GPC5: variants seen among roughly 807,000 people sequenced by gnomAD.
The protein encoded by GPC5 is glypican-5.
In GPC5, 47 loss-of-function variants were observed where a neutral mutation model predicts 53.9. The ratio of observed to expected loss-of-function variants is 0.87; its 90% CI spans 0.69 to 1.11. The LOEUF (loss-of-function observed/expected upper bound fraction) is 1.11. Ranked by LOEUF, GPC5 falls within the 50% of genes most tolerant of loss-of-function variation. The pLI, the probability that GPC5 is intolerant of heterozygous loss-of-function variation, is 0.00. For synonymous variants in GPC5, 286 were observed against 263.3 expected (o/e 1.09, Z -0.84); for missense variants, 748 against 713.1 (o/e 1.05, Z -0.56).
At chr13:91,928,470 C>T (rs1197275444) in intron 6 of GPC5, among the ~76,000 whole-genome samples, 2 of 152,084 alleles carry the variant, frequency 1.3e-5, no homozygotes, top group East Asian at 3.9e-4. Flanking sequence ...TATAGGAGGC[C>T]AGAATGAAAA....
At chr13:92,786,431 T>A (rs764780609) in intron 7 of GPC5, among the ~76,000 whole-genome samples, 8 of 151,940 alleles carry the variant, frequency 5.3e-5, no homozygotes, top group Non-Finnish European at 1.2e-4. Context: ...AGAATAGGAC[T>A]AGATCAAGGA....
Position 91,468,889 on chromosome 13 carries a change from T to G in GPC5, c.325+19967T>G, listed in dbSNP as rs181066088. 2.3e-3 allele frequency among the ~76,000 whole-genome samples: 349 copies of G among 151,378 alleles called. 4 individuals are homozygous for G. The East Asian group carries it at 0.043, about 19-fold the overall frequency. ...AGATAATGGTCTTTTTTTTTTTTTT[T>G]TTAAATGAGACAGGGTTTCATTCTG... On this transcript the variant is annotated intron_variant, in intron 2 of 7. Transcript: ENST00000377067.
At chr13:92,513,952 AC>A in intron 7 of GPC5, among the ~76,000 whole-genome samples, 1 of 152,130 alleles carries the variant, frequency 6.6e-6, no homozygotes, top group African/African-American at 2.4e-5. Flanking sequence ...AGCATTTTGA[AC>A]TTCAGATCTT....
chr13:92,192,376 T>C (rs2042228550), intron 7 of GPC5, among the ~76,000 whole-genome samples: 1 of 152,206 alleles, frequency 6.6e-6, no homozygotes, highest in Non-Finnish European at 1.5e-5. Flanking sequence ...TCAATTTTGT[T>C]GTGAACATAT....
At chr13:92,143,305 AC>A (rs986025150) in intron 6 of GPC5, among the ~76,000 whole-genome samples, 18 of 152,110 alleles carry the variant, frequency 1.2e-4, no homozygotes, top group African/African-American at 4.1e-4. Context: ...AACTGGTGTT[AC>A]TTTATTTACC....
At chr13:92,381,903 A>ATATTG (rs2043748481) in intron 7 of GPC5, among the ~76,000 whole-genome samples, 1 of 135,550 alleles carries the variant, frequency 7.4e-6, no homozygotes, top group Non-Finnish European at 1.6e-5. Context: ...ATATAATCAT[A>ATATTG]TATATGATAT....
chr13:91,821,887 C>CA (rs527954701), intron 5 of GPC5, among the ~76,000 whole-genome samples: 26 of 151,996 alleles, frequency 1.7e-4, no homozygotes, highest in African/African-American at 5.1e-4. Context: ...TTTAAATGTG[C>CA]AAAAAAATTT....
chr13:92,795,523 A>G (rs1876641141), intron 7 of GPC5, among the ~76,000 whole-genome samples: 1 of 152,212 alleles, frequency 6.6e-6, no homozygotes, highest in Non-Finnish European at 1.5e-5. Flanking sequence ...CAAAAGCCAA[A>G]ATAGACTAAT....
intron 7 of GPC5, among the ~76,000 whole-genome samples, chr13:92,343,539 A>C (rs1054312454): frequency 6.6e-6 from 1 of 152,178 alleles, no homozygotes; most frequent in African/African-American, 2.4e-5. Context: ...CAAACTAGGC[A>C]AACTAGGCTA....
chr13:92,309,974 A>G (rs984249517), intron 7 of GPC5, among the ~76,000 whole-genome samples: 2 of 151,962 alleles, frequency 1.3e-5, no homozygotes, highest in African/African-American at 4.8e-5. Flanking sequence ...CTTTTTTTAG[A>G]ATCCACAGGT....
chr13:92,249,121 G>A (rs902810630), intron 7 of GPC5, among the ~76,000 whole-genome samples: 19 of 151,936 alleles, frequency 1.3e-4, no homozygotes, highest in African/African-American at 4.1e-4. Context: ...AATCACTTCG[G>A]GGTAAATTGG....
At chr13:92,546,329 A>C (rs1882110247) in intron 7 of GPC5, among the ~76,000 whole-genome samples, 1 of 152,172 alleles carries the variant, frequency 6.6e-6, no homozygotes, top group South Asian at 2.1e-4. Flanking sequence ...CTCAGGATAA[A>C]AAAATCAATG....
chr13:92,586,092 G>A (rs1208273350), intron 7 of GPC5, among the ~76,000 whole-genome samples: 1 of 152,170 alleles, frequency 6.6e-6, no homozygotes, highest in Non-Finnish European at 1.5e-5. Flanking sequence ...AATGTATTGT[G>A]AACATGCAAC....
At chr13:91,440,256 G>A (rs1287280444) in intron 1 of GPC5, among the ~76,000 whole-genome samples, 5 of 152,034 alleles carry the variant, frequency 3.3e-5, no homozygotes, top group East Asian at 1.9e-4. Flanking sequence ...CCACAGGTCC[G>A]TAAGGCTTGT....
chr13:91,538,670 C>T (rs1886702499), intron 2 of GPC5, among the ~76,000 whole-genome samples: 1 of 151,120 alleles, frequency 6.6e-6, no homozygotes, highest in African/African-American at 2.4e-5. Flanking sequence ...GCAAGCTCCG[C>T]CTCCCGGATT....
chr13:91,764,850 G>T (rs776298836), intron 5 of GPC5, among the ~76,000 whole-genome samples: 4 of 152,194 alleles, frequency 2.6e-5, no homozygotes, highest in Non-Finnish European at 4.4e-5. Context: ...ATCATTCTTT[G>T]TGACTGGTAA....
chr13:92,422,465 T>C (rs1057136099), intron 7 of GPC5, among the ~76,000 whole-genome samples: 1 of 150,802 alleles, frequency 6.6e-6, no homozygotes, highest in Non-Finnish European at 1.5e-5. Flanking sequence ...GAGATCTTTC[T>C]GTAAGCACCA....
At chr13:92,025,196 GA>G (rs1356811447) in intron 6 of GPC5, among the ~76,000 whole-genome samples, 4 of 151,834 alleles carry the variant, frequency 2.6e-5, no homozygotes, top group Non-Finnish European at 5.9e-5. Context: ...TGTTATATTT[GA>G]TTTTAAGTAA....
At chr13:91,555,501 G>A (rs1821861231) in intron 2 of GPC5, among the ~76,000 whole-genome samples, 2 of 151,992 alleles carry the variant, frequency 1.3e-5, no homozygotes, top group South Asian at 4.1e-4. Context: ...TTGGCCACCA[G>A]AGACTTGCTT....
Sources: gnomAD v4.1 joint callset for allele counts (sites outside exome capture counted in the v4.1 genomes callset) on GRCh38, gnomAD v4.1.1 for gene constraint, MANE v1.5 for transcripts, NCBI Gene and HGNC (gene_info 2026-07-23, HGNC 2026-07-21) for gene names.